The following C1QTNF3 variants were observed in gnomAD, a reference collection of about 807,000 sequenced individuals.
C1QTNF3 encodes C1q and TNF related 3, also known as complement C1q tumor necrosis factor-related protein 3.
C1QTNF3 carries 26 observed loss-of-function variants against 32.6 expected under a neutral mutation model. That is an observed-to-expected ratio of 0.80 (90% CI 0.58 to 1.11). The LOEUF is 1.11. C1QTNF3 is among the 50% of genes least tolerant of loss of function. C1QTNF3 has a pLI of 0.00. For synonymous variants in C1QTNF3, 155 were observed against 146.0 expected (o/e 1.06, Z -0.44); for missense variants, 362 against 398.2 (o/e 0.91, Z 0.77).
the C1QTNF3 span, among the ~76,000 whole-genome samples, chr5:34,125,025 T>C: frequency 1.3e-5 from 2 of 151,822 alleles, no homozygotes; most frequent in Non-Finnish European, 2.9e-5. Context: ...CTCCAAGAGG[T>C]GATGGAGAGA....
chr5:34,038,540 C>T (rs1445005964), intron 1 of C1QTNF3, among the ~76,000 whole-genome samples: 3 of 152,070 alleles, frequency 2.0e-5, no homozygotes, highest in South Asian at 2.1e-4. Flanking sequence ...CCAGAAGTGC[C>T]GGGAGGGACT....
chr5:34,063,294 T>TC, the C1QTNF3 span, among the ~76,000 whole-genome samples: 1 of 87,286 alleles, frequency 1.1e-5, no homozygotes, highest in East Asian at 2.3e-4. Flanking sequence ...CTTCCCTCTC[T>TC]CTCCTCTCTC....
chr5:34,116,442 T>C, the C1QTNF3 span, among the ~76,000 whole-genome samples: 1 of 152,040 alleles, frequency 6.6e-6, no homozygotes, highest in South Asian at 2.1e-4. Flanking sequence ...ACTACTACTG[T>C]TGAATTGTCT....
chr5:34,197,793 C>A, the C1QTNF3 span, among the ~76,000 whole-genome samples: 1 of 151,946 alleles, frequency 6.6e-6, no homozygotes, highest in Non-Finnish European at 1.5e-5. Flanking sequence ...AGAAATGTTT[C>A]TAATGGTACC....
the C1QTNF3 span, among the ~76,000 whole-genome samples, chr5:34,164,297 G>C: frequency 6.6e-6 from 1 of 152,070 alleles, no homozygotes; most frequent in Admixed American, 6.6e-5. Flanking sequence ...AATGGTACGA[G>C]ATATTTTGCA....
the C1QTNF3 span, among the ~76,000 whole-genome samples, chr5:34,126,257 C>A: frequency 6.6e-6 from 1 of 151,812 alleles, no homozygotes; most frequent in African/African-American, 2.4e-5. Context: ...ATAGGAAGTA[C>A]ACACAGCCAA....
upstream of C1QTNF3, among the ~76,000 whole-genome samples, chr5:34,046,050 G>C (rs1043420144): frequency 6.6e-6 from 1 of 152,134 alleles, no homozygotes; most frequent in Non-Finnish European, 1.5e-5. Context: ...TGCAAACATA[G>C]GCAAAACTTA....
At chr5:34,197,649 G>C in the C1QTNF3 span, among the ~76,000 whole-genome samples, 1 of 152,150 alleles carries the variant, frequency 6.6e-6, no homozygotes, top group Non-Finnish European at 1.5e-5. Context: ...AGTCTCTCAT[G>C]AGTAAAGGTT....
the C1QTNF3 span, chr5:34,175,643 T>C: frequency 1.2e-4 from 62 of 533,786 alleles, no homozygotes; most frequent in Non-Finnish European, 2.0e-4. Flanking sequence ...CCTGACTCCT[T>C]TCCTACTTCC....
In C1QTNF3 at chr5:34,035,682, C is replaced by T. The variant is rs1397590725; in HGVS notation, c.380G>A (p.Gly127Asp). 6.2e-7 allele frequency: 1 copy of T among 1,611,462 alleles called. No homozygotes were observed. Among genetic ancestry groups the T allele is most frequent in the South Asian group, 1.1e-5 (1 of 90,664 alleles). Residue 127 changes from glycine (G) to aspartate (D), a missense_variant, in exon 2 of 6, where the codon GGC (glycine) becomes GAC (aspartate). By Grantham distance (94) the Gly-to-Asp change is moderately conservative. Transcript: ENST00000382065. ...AGGAGGGCCCGGTGGCCCAGGGGGG[C>T]CTTGGTAGCCTCGAAAGCTGTAGTC... Reference protein sequence around the residue: ...HGDYSFRGYQGPPGPPGPPGI... With the variant: ...HGDYSFRGYQDPPGPPGPPGI...
At chr5:34,194,871 A>G in the C1QTNF3 span, among the ~76,000 whole-genome samples, 2 of 149,344 alleles carry the variant, frequency 1.3e-5, no homozygotes. Flanking sequence ...ATCACTCATA[A>G]TATCCGATGT....
chr5:34,091,911 A>C, the C1QTNF3 span, among the ~76,000 whole-genome samples: 1 of 145,666 alleles, frequency 6.9e-6, no homozygotes, highest in Non-Finnish European at 1.5e-5. Context: ...TTCATCTCTC[A>C]GACCAAAATC....
chr5:34,121,674 T>C, the C1QTNF3 span, among the ~76,000 whole-genome samples: 1 of 152,144 alleles, frequency 6.6e-6, no homozygotes, highest in Non-Finnish European at 1.5e-5. Context: ...TTTGTAAATA[T>C]TTGCACAGGG....
the C1QTNF3 span, among the ~76,000 whole-genome samples, chr5:34,133,769 T>C: frequency 6.6e-6 from 1 of 152,148 alleles, no homozygotes; most frequent in African/African-American, 2.4e-5. Context: ...GCAACATAAT[T>C]ATGATAAAGA....
the C1QTNF3 span, among the ~76,000 whole-genome samples, chr5:34,141,480 T>C: frequency 2.6e-5 from 4 of 152,120 alleles, no homozygotes; most frequent in South Asian, 6.2e-4. Context: ...CCATTGTTTC[T>C]AGTGGTTTTC....
At chr5:34,059,561 G>A in the C1QTNF3 span, among the ~76,000 whole-genome samples, 1 of 152,114 alleles carries the variant, frequency 6.6e-6, no homozygotes, top group Non-Finnish European at 1.5e-5. Flanking sequence ...TGGCAATAGG[G>A]GCTGGGGAGT....
At chr5:34,102,347 G>A in the C1QTNF3 span, among the ~76,000 whole-genome samples, 3 of 151,714 alleles carry the variant, frequency 2.0e-5, no homozygotes, top group Non-Finnish European at 2.9e-5. Flanking sequence ...TAAATAATTT[G>A]AATTTTATTT....
At chr5:34,215,319 A>T in the C1QTNF3 span, among the ~76,000 whole-genome samples, 84,016 of 151,898 alleles carry the variant, frequency 0.55, 25,702 homozygotes, top group East Asian at 0.95. Context: ...AACCCCAAAG[A>T]TGTCCTAAGA....
chr5:34,129,686 C>A, the C1QTNF3 span, among the ~76,000 whole-genome samples: 4 of 151,704 alleles, frequency 2.6e-5, no homozygotes, highest in Non-Finnish European at 5.9e-5. Context: ...GCTGAATGAA[C>A]CTTTCTTTAA....
Sources: allele counts gnomAD v4.1 joint callset (sites outside exome capture counted in the v4.1 genomes callset), GRCh38; gene constraint gnomAD v4.1.1; transcripts MANE v1.5; gene names NCBI Gene and HGNC (gene_info 2026-07-23, HGNC 2026-07-21).